CTNNA3: variants seen among roughly 807,000 people sequenced by gnomAD.
CTNNA3 encodes catenin alpha-3.
A neutral mutation model predicts 95.7 loss-of-function variants in CTNNA3; 76 were observed. The observed-to-expected ratio is 0.79, with a 90% CI of 0.66 to 0.96. The LOEUF (loss-of-function observed/expected upper bound fraction) is 0.96, where lower values mean the gene tolerates loss of function less well. Among genes scored for constraint, CTNNA3 ranks in the 40% least tolerant of loss-of-function variants. The pLI, the probability that CTNNA3 is intolerant of heterozygous loss-of-function variation, is 0.00. For missense variants in CTNNA3, 1,191 were observed against 1,089.8 expected (o/e 1.09, Z -1.31); for synonymous variants, 431 against 374.4 (o/e 1.15, Z -1.74).
intron 7 of CTNNA3, among the ~76,000 whole-genome samples, chr10:66,906,204 A>G (rs543070490): frequency 6.9e-4 from 105 of 152,262 alleles, no homozygotes; most frequent in African/African-American, 2.5e-3. Context: ...ATCAATCTTA[A>G]CACCATAACG....
At chr10:66,396,361 A>G (rs1352549658) in intron 11 of CTNNA3, among the ~76,000 whole-genome samples, 3 of 152,004 alleles carry the variant, frequency 2.0e-5, no homozygotes, top group Non-Finnish European at 4.4e-5. Flanking sequence ...CATGGAATGT[A>G]ATCAGGCAAA....
chr10:66,509,552 A>T (rs1840582555), intron 11 of CTNNA3, among the ~76,000 whole-genome samples: 1 of 151,856 alleles, frequency 6.6e-6, no homozygotes, highest in Non-Finnish European at 1.5e-5. Flanking sequence ...ATGTAGTGAG[A>T]GATGGTCTTC....
intron 5 of CTNNA3, among the ~76,000 whole-genome samples, chr10:67,312,156 T>C (rs977872711): frequency 6.6e-6 from 1 of 150,582 alleles, no homozygotes; most frequent in African/African-American, 2.4e-5. Flanking sequence ...CACTGCAGCC[T>C]CTGCCTCCGG....
intron 11 of CTNNA3, among the ~76,000 whole-genome samples, chr10:66,400,524 A>G (rs72804793): frequency 0.061 from 9,209 of 152,120 alleles, 394 homozygotes; most frequent in East Asian, 0.1. Flanking sequence ...ATATATATAG[A>G]TATAGATATA....
rs769826378 is a variant in CTNNA3, at chr10:67,219,771, C to G, written c.679G>C (p.Glu227Gln). ...LLHSICSACL[E>Q]HSDVASLKAS... ...TTGAGGGAAGCAACATCAGAATGCT[C>G]CAAACAAGCTGAACAAATTGAATGC... Residue 227 changes from glutamate to glutamine, a missense_variant, in exon 6 of 18, where the codon GAG (glutamate) becomes CAG (glutamine). Glu to Gln is a conservative substitution (Grantham distance 29). Transcript: ENST00000433211. 7 of 1,613,924 alleles carry G rather than the reference C, an allele frequency of 4.3e-6. No homozygotes were observed. The African/African-American group carries it at 8.0e-5, about 18-fold the overall frequency.
chr10:66,875,405 A>AG (rs1027815015), intron 7 of CTNNA3, among the ~76,000 whole-genome samples: 8 of 152,134 alleles, frequency 5.3e-5, no homozygotes, highest in Admixed American at 3.3e-4. Context: ...TAAAAAAAAA[A>AG]AAAAATAGAA....
chr10:66,219,009 T>C (rs1453472873), intron 13 of CTNNA3, among the ~76,000 whole-genome samples: 9 of 152,172 alleles, frequency 5.9e-5, no homozygotes, highest in Admixed American at 4.6e-4. Flanking sequence ...CCTATAGTGG[T>C]TATTCATATG....
chr10:66,161,709 G>T (rs907557405), intron 13 of CTNNA3, among the ~76,000 whole-genome samples: 1 of 152,132 alleles, frequency 6.6e-6, no homozygotes, highest in Non-Finnish European at 1.5e-5. Context: ...AATTTCTCAG[G>T]TGTTCTTTGT....
chr10:67,230,825 C>G (rs74367218), intron 5 of CTNNA3, among the ~76,000 whole-genome samples: 23 of 152,296 alleles, frequency 1.5e-4, no homozygotes, highest in Admixed American at 3.9e-4. Context: ...ACACACCGTG[C>G]GCGAGCCGAA....
intron 10 of CTNNA3, among the ~76,000 whole-genome samples, chr10:66,565,380 A>G (rs1044050855): frequency 6.6e-6 from 1 of 152,198 alleles, no homozygotes; most frequent in Non-Finnish European, 1.5e-5. Flanking sequence ...GCTAATTTAT[A>G]TAAAATGATG....
intron 15 of CTNNA3, among the ~76,000 whole-genome samples, chr10:66,044,472 A>G (rs1238644972): frequency 6.6e-6 from 1 of 151,934 alleles, no homozygotes; most frequent in South Asian, 2.1e-4. Context: ...GCAGAATATA[A>G]TCTCCTCCTC....
At chr10:66,015,211 C>CT (rs1203311994) in intron 15 of CTNNA3, among the ~76,000 whole-genome samples, 1 of 152,042 alleles carries the variant, frequency 6.6e-6, no homozygotes. Context: ...AAAATACATA[C>CT]TTGAGCTAGA....
chr10:65,938,212 G>A (rs1432747544), intron 17 of CTNNA3, among the ~76,000 whole-genome samples: 1 of 152,108 alleles, frequency 6.6e-6, no homozygotes, highest in Non-Finnish European at 1.5e-5. Flanking sequence ...TGGAGTATTT[G>A]ATTCCGTTGA....
chr10:66,938,085 G>A (rs761762812), intron 7 of CTNNA3, among the ~76,000 whole-genome samples: 16 of 152,202 alleles, frequency 1.1e-4, no homozygotes, highest in South Asian at 6.2e-4. Flanking sequence ...AGTTATTATT[G>A]CAAACAATCT....
At chr10:67,199,036 A>C (rs1160248913) in intron 6 of CTNNA3, among the ~76,000 whole-genome samples, 2 of 152,038 alleles carry the variant, frequency 1.3e-5, no homozygotes, top group East Asian at 1.9e-4. Context: ...GATGTAAAAA[A>C]AATAAGGTAA....
rs1841223169 is a variant in CTNNA3, at chr10:67,726,472, T to C, written c.-2+36962A>G. The stretch of plus-strand genomic sequence containing the variant: ...ATATTATATATGATATATGATATAA[T>C]ATTATATATTATATCATATACAATA... On this transcript the variant is annotated intron_variant, in intron 1 of 17. Transcript: ENST00000684154. 9.3e-5 allele frequency among the ~76,000 whole-genome samples: 6 copies of C among 64,388 alleles called. No homozygotes were observed. In the South Asian group the frequency reaches 3.4e-3, roughly 36 times the overall value. The allele number at this position is 64,388 out of a possible 152,430, so 42.2% of individuals were successfully genotyped here.
chr10:67,238,051 T>C (rs751356796), intron 5 of CTNNA3, among the ~76,000 whole-genome samples: 13 of 152,098 alleles, frequency 8.5e-5, no homozygotes, highest in Non-Finnish European at 1.6e-4. Context: ...GTTTCAGCAA[T>C]CGTGGAAGTG....
intron 7 of CTNNA3, among the ~76,000 whole-genome samples, chr10:66,936,746 T>C (rs1337138603): frequency 2.0e-5 from 3 of 152,148 alleles, no homozygotes; most frequent in Non-Finnish European, 4.4e-5. Context: ...AGTATCCATA[T>C]TGAAATTCCT....
intron 2 of CTNNA3, among the ~76,000 whole-genome samples, chr10:67,646,358 A>G (rs1481130344): frequency 1.3e-5 from 2 of 151,172 alleles, no homozygotes; most frequent in Admixed American, 6.7e-5. Flanking sequence ...AGTGGCTAAG[A>G]CGGACTTTAA....
Sources: gnomAD v4.1 joint callset for allele counts (sites outside exome capture counted in the v4.1 genomes callset) on GRCh38, gnomAD v4.1.1 for gene constraint, MANE v1.5 for transcripts, NCBI Gene and HGNC (gene_info 2026-07-23, HGNC 2026-07-21) for gene names.